HTR2C: variants seen among roughly 807,000 people sequenced by gnomAD.
HTR2C encodes the protein 5-hydroxytryptamine receptor 2C.
Under a neutral mutation model 21.0 loss-of-function variants are expected in HTR2C, and 5 were observed. The ratio of observed to expected loss-of-function variants is 0.24; its 90% CI spans 0.12 to 0.50. The LOEUF (loss-of-function observed/expected upper bound fraction) is 0.50. HTR2C is among the 20% of genes least tolerant of loss of function. HTR2C has a pLI of 0.98. For synonymous variants in HTR2C, 150 were observed against 145.3 expected (o/e 1.03, Z -0.23); for missense variants, 271 against 371.2 (o/e 0.73, Z 2.22).
At chrX:114,784,372 G>A (rs1167095970) in intron 4 of HTR2C, among the ~76,000 whole-genome samples, 10 of 111,405 alleles carry the variant, frequency 9.0e-5, no homozygotes, top group African/African-American at 2.9e-4. Context: ...ACTGGCAGTC[G>A]TAGCTTGTGA....
rs782742069 is a variant in HTR2C, at chrX:114,778,249, T to C, written c.349+46642T>C. Among the ~76,000 whole-genome samples the C allele has an allele frequency of 2.7e-3, 296 of 111,608 alleles. 1 individual carries two copies. The highest frequency in any genetic ancestry group is 9.1e-3 in the African/African-American group (281 of 30,759). On this transcript the variant is annotated intron_variant, in intron 4 of 5. Coordinates refer to ENST00000276198, the MANE Select transcript of HTR2C (RefSeq NM_000868.4). ...AGTTTAAATCCCTACAATCTCACCTTTTTAAATGACCTCTTATTTCTAAAT... is the reference window on the plus strand; with the variant it reads ...AGTTTAAATCCCTACAATCTCACCTCTTTAAATGACCTCTTATTTCTAAAT...
chrX:114,868,859 T>C (rs782625867), intron 5 of HTR2C, among the ~76,000 whole-genome samples: 2 of 110,899 alleles, frequency 1.8e-5, no homozygotes, highest in South Asian at 3.8e-4. Context: ...TTTTTTATTA[T>C]ACTTTAAATT....
chrX:114,713,403 T>C (rs1400722082), intron 2 of HTR2C, among the ~76,000 whole-genome samples: 2 of 111,679 alleles, frequency 1.8e-5, no homozygotes, highest in African/African-American at 6.5e-5. Flanking sequence ...CTCATTTTTT[T>C]CTTTTTAAAA....
chrX:114,700,734 C>T (rs1323693317), intron 2 of HTR2C, among the ~76,000 whole-genome samples: 9 of 112,264 alleles, frequency 8.0e-5, no homozygotes, highest in East Asian at 2.9e-4. Context: ...GCGCACTGTG[C>T]GCGAGCCGAA....
intron 2 of HTR2C, among the ~76,000 whole-genome samples, chrX:114,665,102 C>A (rs1438186036): frequency 4.5e-5 from 5 of 111,861 alleles, no homozygotes; most frequent in Non-Finnish European, 9.4e-5. Context: ...TAAGGGGGTA[C>A]AAGGTAACAG....
At chrX:114,865,642 A>AT (rs1240289815) in intron 5 of HTR2C, among the ~76,000 whole-genome samples, 1 of 110,899 alleles carries the variant, frequency 9.0e-6, no homozygotes, top group Admixed American at 9.7e-5. Flanking sequence ...GGTATTGAGC[A>AT]TTTTTTTATG....
At chrX:114,760,176 G>A (rs911774765) in intron 4 of HTR2C, among the ~76,000 whole-genome samples, 1 of 111,175 alleles carries the variant, frequency 9.0e-6, no homozygotes, top group Non-Finnish European at 1.9e-5. Flanking sequence ...TCACATACTT[G>A]CCCATCTATG....
chrX:114,805,841 T>TAC (rs1556448906), intron 4 of HTR2C, among the ~76,000 whole-genome samples: 1,432 of 12,587 alleles, frequency 0.11, 56 homozygotes, highest in African/African-American at 0.16. Flanking sequence ...ATACCATATA[T>TAC]ACCATATATA....
intron 5 of HTR2C, among the ~76,000 whole-genome samples, chrX:114,849,581 A>G (rs782290915): frequency 2.3e-3 from 255 of 112,151 alleles, no homozygotes; most frequent in African/African-American, 7.4e-3. Context: ...GAGTAGGAAT[A>G]CAGAGTCTGG....
chrX:114,616,808 T>C (rs1928967164), intron 2 of HTR2C, among the ~76,000 whole-genome samples: 1 of 111,973 alleles, frequency 8.9e-6, no homozygotes. Context: ...CTGAGTTGTA[T>C]AAGGTTTGTG....
At chrX:114,592,305 G>T (rs1239480677) in intron 1 of HTR2C, among the ~76,000 whole-genome samples, 1 of 112,342 alleles carries the variant, frequency 8.9e-6, no homozygotes, top group Non-Finnish European at 1.9e-5. Flanking sequence ...ACATTTGAAT[G>T]CTGAGAAGAT....
chrX:114,604,833 G>C (rs1339387517), intron 1 of HTR2C, among the ~76,000 whole-genome samples: 1 of 111,490 alleles, frequency 9.0e-6, no homozygotes, highest in Non-Finnish European at 1.9e-5. Context: ...GGAAGTTCTT[G>C]TGTGCTGGAG....
At chrX:114,885,586 T>A (rs889630838) in intron 5 of HTR2C, among the ~76,000 whole-genome samples, 10 of 112,147 alleles carry the variant, frequency 8.9e-5, no homozygotes. Flanking sequence ...TAATTTTTAA[T>A]ATTTTAAAAG....
At chrX:114,681,569 G>T (rs782485429) in intron 2 of HTR2C, among the ~76,000 whole-genome samples, 8 of 110,859 alleles carry the variant, frequency 7.2e-5, no homozygotes, top group Non-Finnish European at 1.3e-4. Context: ...TTTGCAGTTG[G>T]GTTTTTTAAC....
chrX:114,796,330 G>T (rs1191300851), intron 4 of HTR2C, among the ~76,000 whole-genome samples: 1 of 111,597 alleles, frequency 9.0e-6, no homozygotes, highest in Non-Finnish European at 1.9e-5. Context: ...AAATAAATTT[G>T]CAGAAGCTCA....
At chrX:114,735,708 A>C (rs1379950537) in intron 4 of HTR2C, among the ~76,000 whole-genome samples, 1 of 111,812 alleles carries the variant, frequency 8.9e-6, no homozygotes, top group Non-Finnish European at 1.9e-5. Flanking sequence ...TAGGGTCATT[A>C]AGCATGTTAT....
intron 4 of HTR2C, among the ~76,000 whole-genome samples, chrX:114,833,476 G>C (rs186154443): frequency 5.4e-4 from 60 of 111,515 alleles, no homozygotes; most frequent in African/African-American, 1.9e-3. Flanking sequence ...AGATTTTCTA[G>C]TTTATTTGCG....
chrX:114,734,711 G>A (rs1233134221), intron 4 of HTR2C, among the ~76,000 whole-genome samples: 3 of 109,933 alleles, frequency 2.7e-5, no homozygotes, highest in Non-Finnish European at 5.7e-5. Context: ...GCTGAAAGTG[G>A]GAAGATGACT....
chrX:114,722,033 A>T (rs1223053089), intron 2 of HTR2C, among the ~76,000 whole-genome samples: 2 of 109,472 alleles, frequency 1.8e-5, no homozygotes, highest in African/African-American at 3.3e-5. Context: ...ACTTTAAAGT[A>T]TTTTTTTCCA....
Sources: allele counts gnomAD v4.1 joint callset (sites outside exome capture counted in the v4.1 genomes callset), GRCh38; gene constraint gnomAD v4.1.1; transcripts MANE v1.5; gene names NCBI Gene and HGNC (gene_info 2026-07-23, HGNC 2026-07-21).